XPO1: variants seen among roughly 807,000 people sequenced by gnomAD.
XPO1 encodes the protein exportin-1.
A neutral mutation model predicts 133.3 loss-of-function variants in XPO1; 5 were observed. The observed-to-expected ratio is 0.04, with a 90% confidence interval of 0.02 to 0.08. The LOEUF (loss-of-function observed/expected upper bound fraction) is 0.08, where lower values mean the gene tolerates loss of function less well. Ranked by LOEUF, XPO1 falls within the 10% of genes least tolerant of loss-of-function variation. XPO1 has a pLI of 1.00. For synonymous variants in XPO1, 419 were observed against 408.2 expected (o/e 1.03, Z -0.32); for missense variants, 506 against 1,267.5 (o/e 0.40, Z 9.12).
intron 2 of XPO1, among the ~76,000 whole-genome samples, chr2:61,531,059 G>A (rs1451354592): frequency 1.3e-5 from 2 of 152,092 alleles, no homozygotes; most frequent in Non-Finnish European, 2.9e-5. Context: ...AAATTAAGAC[G>A]TCTAACACTA....
chr2:61,493,149 C>A (rs897773001), intron 12 of XPO1, 96 bp from the exon 13 acceptor site: 23 of 1,300,398 alleles, frequency 1.8e-5, no homozygotes, highest in Non-Finnish European at 2.4e-5. Flanking sequence ...ACCAAAAAAA[C>A]CACAAGCCAG....
intron 24 of XPO1, among the ~76,000 whole-genome samples, 162 bp from the exon 25 acceptor site, chr2:61,479,128 C>G (rs1468034502): frequency 6.6e-6 from 1 of 152,148 alleles, no homozygotes; most frequent in African/African-American, 2.4e-5. Flanking sequence ...TACTACATAG[C>G]TGAATGAACT....
At chr2:61,511,756 T>C (rs1289461246) in intron 4 of XPO1, among the ~76,000 whole-genome samples, 2 of 151,606 alleles carry the variant, frequency 1.3e-5, no homozygotes, top group African/African-American at 4.8e-5. Flanking sequence ...TATTTCTTTT[T>C]CTTTTCTTTT....
At chr2:61,504,588 G>C (rs567528831) in intron 4 of XPO1, among the ~76,000 whole-genome samples, 32 of 152,134 alleles carry the variant, frequency 2.1e-4, no homozygotes, top group Admixed American at 1.5e-3. Context: ...AGGTTGTAGA[G>C]CTGTATGTTC....
At chr2:61,490,256 T>G (rs1696912193) in intron 17 of XPO1, among the ~76,000 whole-genome samples, 1 of 150,252 alleles carries the variant, frequency 6.7e-6, no homozygotes, top group Admixed American at 6.7e-5. Context: ...TAGAGAACAG[T>G]AGCTCAATCT....
intron 2 of XPO1, among the ~76,000 whole-genome samples, chr2:61,528,348 T>G (rs1024468773): frequency 6.6e-5 from 10 of 152,098 alleles, no homozygotes; most frequent in Admixed American, 6.6e-4. Context: ...CTTAAAAATC[T>G]TTTAGGCTGG....
intron 21 of XPO1, 148 bp from the exon 22 acceptor site, chr2:61,483,239 AAATT>A (rs1237757066): frequency 2.5e-6 from 2 of 786,790 alleles, no homozygotes; most frequent in Non-Finnish European, 1.9e-6. Flanking sequence ...AAGGTTTCTT[AAATT>A]AATAATGGAA....
Position 61,494,081 on chromosome 2 carries a change from T to C in XPO1, c.1058A>G (p.Tyr353Cys). ...TTCTACTTCAGATACCAACAACATATAATGAAGGGCCTACACAGAAGACCA... is the reference window on the plus strand; with the variant it reads ...TTCTACTTCAGATACCAACAACATACAATGAAGGGCCTACACAGAAGACCA... ...LRETLMEALH[Y>C]MLLVSEVEET... The change falls in exon 12 of 25, where the codon TAT (tyrosine) becomes TGT (cysteine). Residue 353 changes from tyrosine (Y) to cysteine (C), a missense_variant. Physicochemically the swap from Tyr to Cys is radical, Grantham distance 194. This residue lies in a region of XPO1 where 134 missense variants were observed against 261.6 expected (regional missense o/e 0.51). Coordinates refer to ENST00000401558, the MANE Select transcript of XPO1 (RefSeq NM_003400.4). The C allele has an allele frequency of 1.9e-6, 3 of 1,613,506 alleles. No homozygotes were observed. The highest frequency in any genetic ancestry group is 2.5e-6 in the Non-Finnish European group (3 of 1,179,870).
intron 4 of XPO1, among the ~76,000 whole-genome samples, chr2:61,512,406 ACAC>A (rs1558660318): frequency 6.6e-6 from 1 of 152,166 alleles, no homozygotes; most frequent in East Asian, 1.9e-4. Flanking sequence ...AAAAGACTAA[ACAC>A]CACACATACA....
chr2:61,487,693 G>GA (rs1363369136), intron 19 of XPO1, among the ~76,000 whole-genome samples: 1 of 152,100 alleles, frequency 6.6e-6, no homozygotes, highest in Non-Finnish European at 1.5e-5. Context: ...ATACGCAGCT[G>GA]GTTTTTATTA....
At chr2:61,491,498 C>CACACACACA (rs1696993764) in intron 16 of XPO1, among the ~76,000 whole-genome samples, 2 of 123,956 alleles carry the variant, frequency 1.6e-5, no homozygotes, top group East Asian at 2.2e-4. Flanking sequence ...ACACACACAC[C>CACACACACA]CCAAAACAAA....
Position 61,478,594 on chromosome 2 carries a change from T to C in XPO1, c.*226A>G, listed in dbSNP as rs541715621. 2.1e-6 allele frequency: 1 copy of C among 479,618 alleles called. No individual in the cohort carries two copies. The highest frequency in any genetic ancestry group is 6.0e-5 in the South Asian group (1 of 16,738). The allele number at this position is 479,618 out of a possible 1,614,324, so 29.7% of individuals were successfully genotyped here. ...ATGAAGTAAAATTTTTAAAAATGCC[T>C]TAATTTTCAACTTCATGCAAACTAA... On this transcript the variant is annotated 3_prime_UTR_variant, in exon 25 of 25. Coordinates refer to ENST00000401558, the MANE Select transcript of XPO1 (RefSeq NM_003400.4).
intron 4 of XPO1, 35 bp downstream of exon 4, chr2:61,522,576 C>G (rs2104749849): frequency 6.3e-7 from 1 of 1,586,234 alleles, no homozygotes; most frequent in Non-Finnish European, 8.6e-7. Context: ...CCAGGAAAAA[C>G]AAAACTCTGA....
chr2:61,521,360 A>C (rs1190276729), intron 4 of XPO1, among the ~76,000 whole-genome samples: 1 of 152,236 alleles, frequency 6.6e-6, no homozygotes, highest in Non-Finnish European at 1.5e-5. Context: ...ATAATCAAAG[A>C]AATTAGACAT....
At chr2:61,481,899 CTAAT>C (rs1485674266) in intron 23 of XPO1, among the ~76,000 whole-genome samples, 4 of 152,062 alleles carry the variant, frequency 2.6e-5, no homozygotes, top group Non-Finnish European at 4.4e-5. Context: ...CCATGCCCAA[CTAAT>C]TTTTTGTATT....
intron 4 of XPO1, among the ~76,000 whole-genome samples, chr2:61,510,966 T>C (rs1044705429): frequency 7.5e-5 from 11 of 147,650 alleles, no homozygotes; most frequent in Non-Finnish European, 1.5e-4. Flanking sequence ...AAAAGTTACA[T>C]GGATGTAAGC....
intron 1 of XPO1, chr2:61,536,684 T>C (rs1699366446): frequency 6.6e-6 from 1 of 151,986 alleles, no homozygotes; most frequent in African/African-American, 2.4e-5. Flanking sequence ...CCCTTCTAAC[T>C]ATAGCACACA....
intron 4 of XPO1, among the ~76,000 whole-genome samples, chr2:61,510,469 G>A (rs1698034770): frequency 1.3e-5 from 2 of 152,132 alleles, no homozygotes; most frequent in South Asian, 2.1e-4. Context: ...AGTTAAGTTA[G>A]GGTTCCCACA....
chr2:61,537,752 AACACACACACACACACACACAC>A lies in XPO1; in HGVS notation c.-219_-198del, dbSNP rs34469311. On this transcript the variant is annotated 5_prime_UTR_variant, in exon 1 of 25. Transcript: ENST00000401558. ...TTACTATTTCAGGGACGCTTCCCCC[AACACACACACACACACACACAC>A]ACACACACACCCGCCCCCCCCCAAA... 2 of 139,104 alleles carry A rather than the reference AACACACACACACACACACACAC, an allele frequency of 1.4e-5. No homozygotes were observed. Among genetic ancestry groups the A allele is most frequent in the African/African-American group, 2.7e-5 (1 of 36,484 alleles). 8.6% of individuals were successfully genotyped at this position (139,104 alleles called of 1,614,324 possible).
Sources: allele counts gnomAD v4.1 joint callset (sites outside exome capture counted in the v4.1 genomes callset), GRCh38; gene constraint gnomAD v4.1.1; regional missense constraint gnomAD v4.1.1; transcripts MANE v1.5; gene names NCBI Gene and HGNC (gene_info 2026-07-23, HGNC 2026-07-21).